The following NDST3 variants were observed in gnomAD, a reference collection of about 807,000 sequenced individuals.
NDST3 encodes the protein bifunctional heparan sulfate N-deacetylase/N-sulfotransferase 3.
In NDST3, 58 loss-of-function variants were observed where a neutral mutation model predicts 96.1. That is an observed-to-expected ratio of 0.60 (90% CI 0.49 to 0.75). The LOEUF is 0.75. NDST3 is among the 30% of genes least tolerant of loss of function. The pLI is 0.00. For missense variants in NDST3, 788 were observed against 1,034.2 expected, an observed-to-expected ratio of 0.76 and a Z score of 3.27; for synonymous variants, 333 against 359.7, an observed-to-expected ratio of 0.93 and a Z score of 0.84.
Position 118,035,113 on chromosome 4 carries a change from T to C in NDST3, c.-156+521T>C, listed in dbSNP as rs539989367. Among the ~76,000 whole-genome samples, 14 of 152,292 alleles carry C rather than the reference T, an allele frequency of 9.2e-5. No homozygotes were observed. In the South Asian group the frequency reaches 2.9e-3, roughly 32 times the overall value. On this transcript the variant is annotated intron_variant, in intron 1 of 13. Coordinates refer to ENST00000296499, the MANE Select transcript of NDST3 (RefSeq NM_004784.3). ...ACTTTAAATTTAAAGAAAACAGATA[T>C]ATCTTCTATTTAATATATCCATTTT...
intron 2 of NDST3, among the ~76,000 whole-genome samples, chr4:118,067,606 TTA>T (rs1274516779): frequency 6.6e-6 from 1 of 152,072 alleles, no homozygotes; most frequent in African/African-American, 2.4e-5. Flanking sequence ...TTCAAAAAAG[TTA>T]TGTTTACCTA....
At chr4:118,056,062 T>C (rs1725408361) in intron 2 of NDST3, among the ~76,000 whole-genome samples, 1 of 151,954 alleles carries the variant, frequency 6.6e-6, no homozygotes, top group Admixed American at 6.6e-5. Context: ...GTACTTACTT[T>C]TGAAAATATA....
intron 12 of NDST3, among the ~76,000 whole-genome samples, chr4:118,249,316 A>T (rs769083317): frequency 2.6e-5 from 4 of 152,232 alleles, no homozygotes; most frequent in Non-Finnish European, 5.9e-5. Flanking sequence ...AAAATGAGTC[A>T]GAATTCAATT....
chr4:118,051,743 T>C (rs1016261953), intron 1 of NDST3, among the ~76,000 whole-genome samples: 1 of 152,100 alleles, frequency 6.6e-6, no homozygotes, highest in Admixed American at 6.6e-5. Flanking sequence ...ATAGTCTCTT[T>C]ATTAAAAGAA....
At chr4:118,226,140 C>G (rs1739866065) in intron 7 of NDST3, among the ~76,000 whole-genome samples, 1 of 151,948 alleles carries the variant, frequency 6.6e-6, no homozygotes, top group South Asian at 2.1e-4. Context: ...TACTGTTTGC[C>G]CATTCCTGAA....
At position 118,204,751 on chromosome 4, in the gene NDST3, AATCT is replaced by A. The variant is rs978339074; in HGVS notation, c.1540-19733_1540-19730del. Among the ~76,000 whole-genome samples, 35 of 144,906 alleles carry A rather than the reference AATCT, an allele frequency of 2.4e-4. 3 individuals carry two copies. Among genetic ancestry groups the A allele is most frequent in the African/African-American group, 8.1e-4 (32 of 39,278 alleles). On this transcript the variant is annotated intron_variant, in intron 6 of 13. Coordinates refer to ENST00000296499, the MANE Select transcript of NDST3 (RefSeq NM_004784.3). ...ATGTGTCTTTGTGAATATAAATATA[AATCT>A]ATCTATATATATTCTCTAAGATATT...
chr4:118,191,846 C>T (rs1015118367), intron 6 of NDST3, among the ~76,000 whole-genome samples: 4 of 152,150 alleles, frequency 2.6e-5, no homozygotes, highest in Non-Finnish European at 5.9e-5. Context: ...TTTAAGTTTT[C>T]TGAGGAATCT....
intron 4 of NDST3, among the ~76,000 whole-genome samples, chr4:118,128,475 T>A (rs1225429249): frequency 6.6e-6 from 1 of 152,128 alleles, no homozygotes; most frequent in Non-Finnish European, 1.5e-5. Context: ...TCTGTTGATA[T>A]GATGTATCAT....
At chr4:118,174,567 G>A (rs1344762641) in intron 6 of NDST3, among the ~76,000 whole-genome samples, 1 of 152,148 alleles carries the variant, frequency 6.6e-6, no homozygotes, top group Non-Finnish European at 1.5e-5. Context: ...CTTAAAGCAT[G>A]TATGTTTCCA....
intron 4 of NDST3, among the ~76,000 whole-genome samples, chr4:118,133,782 A>G (rs1327228269): frequency 1.3e-5 from 2 of 152,226 alleles, no homozygotes; most frequent in Non-Finnish European, 2.9e-5. Context: ...AATGAAGATA[A>G]TTGAGAAAGT....
chr4:118,101,731 A>G (rs568398724), intron 2 of NDST3, among the ~76,000 whole-genome samples: 1 of 152,268 alleles, frequency 6.6e-6, no homozygotes, highest in East Asian at 1.9e-4. Flanking sequence ...CAAAATATAC[A>G]TGCTACATTG....
At chr4:118,175,801 A>C (rs1480399010) in intron 6 of NDST3, among the ~76,000 whole-genome samples, 1 of 152,142 alleles carries the variant, frequency 6.6e-6, no homozygotes, top group African/African-American at 2.4e-5. Flanking sequence ...ACGCCCACTA[A>C]AACAGGCATT....
At chr4:118,146,418 A>C (rs1470307983) in intron 6 of NDST3, among the ~76,000 whole-genome samples, 1 of 152,216 alleles carries the variant, frequency 6.6e-6, no homozygotes, top group Non-Finnish European at 1.5e-5. Flanking sequence ...ACAGGACTTT[A>C]ATTAATGAGG....
At chr4:118,208,583 T>A (rs1375056293) in intron 6 of NDST3, among the ~76,000 whole-genome samples, 1 of 144,352 alleles carries the variant, frequency 6.9e-6, no homozygotes, top group Non-Finnish European at 1.5e-5. Context: ...GTGGCTTGCA[T>A]AGGCCCAGTC....
At chr4:118,174,733 T>C (rs1736167795) in intron 6 of NDST3, among the ~76,000 whole-genome samples, 2 of 152,146 alleles carry the variant, frequency 1.3e-5, no homozygotes, top group African/African-American at 4.8e-5. Flanking sequence ...TTTTAATTTT[T>C]TACTTCTCCT....
intron 2 of NDST3, among the ~76,000 whole-genome samples, chr4:118,066,498 G>T (rs374570288): frequency 6.3e-5 from 2 of 31,642 alleles, no homozygotes; most frequent in African/African-American, 9.0e-5. Flanking sequence ...CATTATATAT[G>T]TTATATATTA....
At chr4:118,181,353 G>A (rs1736597284) in intron 6 of NDST3, among the ~76,000 whole-genome samples, 2 of 152,128 alleles carry the variant, frequency 1.3e-5, no homozygotes, top group Non-Finnish European at 2.9e-5. Flanking sequence ...GGAAGAAGGA[G>A]GAGCAGGAAA....
chr4:118,046,706 G>A (rs74526713), intron 1 of NDST3, among the ~76,000 whole-genome samples: 2,009 of 152,246 alleles, frequency 0.013, 39 homozygotes, highest in African/African-American at 0.045. Flanking sequence ...CCAAGTGCCC[G>A]AGGGCTGCAG....
intron 6 of NDST3, among the ~76,000 whole-genome samples, chr4:118,186,961 A>C (rs1002030200): frequency 6.6e-6 from 1 of 152,182 alleles, no homozygotes; most frequent in Non-Finnish European, 1.5e-5. Flanking sequence ...TTTTAAAGAA[A>C]ACAGCACATG....
Sources: allele counts gnomAD v4.1 joint callset (sites outside exome capture counted in the v4.1 genomes callset), GRCh38; gene constraint gnomAD v4.1.1; transcripts MANE v1.5; gene names NCBI Gene and HGNC (gene_info 2026-07-23, HGNC 2026-07-21).